Variants in TET1 observed in about 807,000 individuals in gnomAD.
TET1 encodes tet methylcytosine dioxygenase 1, also known as methylcytosine dioxygenase TET1.
In TET1, 13 loss-of-function variants were observed where a neutral mutation model predicts 148.7. The ratio of observed to expected loss-of-function variants is 0.09; its 90% CI spans 0.06 to 0.14. The LOEUF (loss-of-function observed/expected upper bound fraction) is 0.14, where lower values mean the gene tolerates loss of function less well. Among genes scored for constraint, TET1 ranks in the 10% least tolerant of loss-of-function variants. TET1 has a pLI of 1.00. For missense variants in TET1, 2,182 were observed against 2,553.8 expected (o/e 0.85, Z 3.14); for synonymous variants, 907 against 937.2 (o/e 0.97, Z 0.59).
At chr10:68,579,355 C>CATCCAA (rs1227843413) in intron 2 of TET1, among the ~76,000 whole-genome samples, 1 of 152,198 alleles carries the variant, frequency 6.6e-6, no homozygotes, top group African/African-American at 2.4e-5. Flanking sequence ...TTTGCTCATC[C>CATCCAA]ATCCAAATTC....
intron 3 of TET1, among the ~76,000 whole-genome samples, chr10:68,626,978 A>G (rs944603407): frequency 5.3e-5 from 8 of 152,248 alleles, no homozygotes; most frequent in Admixed American, 2.0e-4. Context: ...GAATTATTAG[A>G]AAAAGAACAC....
chr10:68,626,089 C>CAAAAAAAAAA (rs768111191), intron 3 of TET1, among the ~76,000 whole-genome samples: 11 of 34,372 alleles, frequency 3.2e-4, no homozygotes, highest in Admixed American at 6.5e-4. Flanking sequence ...GACCCTATCT[C>CAAAAAAAAAA]AAAAAAAAGA....
chr10:68,615,305 T>C (rs185667426), intron 3 of TET1, among the ~76,000 whole-genome samples: 2 of 152,238 alleles, frequency 1.3e-5, no homozygotes, highest in East Asian at 1.9e-4. Context: ...CACACAGTTT[T>C]TACCCTGAAT....
At chr10:68,658,532 CA>C (rs2055058946) in intron 6 of TET1, among the ~76,000 whole-genome samples, 1 of 152,186 alleles carries the variant, frequency 6.6e-6, no homozygotes, top group Non-Finnish European at 1.5e-5. Flanking sequence ...TGGCCAGCAC[CA>C]CTTTCTTAGC....
chr10:68,570,074 G>T (rs2053650860), intron 1 of TET1, among the ~76,000 whole-genome samples: 1 of 151,862 alleles, frequency 6.6e-6, no homozygotes, highest in South Asian at 2.1e-4. Context: ...TGTCACCCAG[G>T]TAGTGAACAT....
intron 4 of TET1, among the ~76,000 whole-genome samples, chr10:68,650,546 GCT>G (rs1251425666): frequency 7.7e-6 from 1 of 130,686 alleles, no homozygotes; most frequent in Non-Finnish European, 1.8e-5. Flanking sequence ...CAGGAGAATC[GCT>G]TGAACCCAGG....
In TET1 at chr10:68,617,838, G is replaced by A. The variant is rs10998331; in HGVS notation, c.1968+16804G>A. On this transcript the variant is annotated intron_variant, in intron 3 of 11. Coordinates refer to ENST00000373644, the MANE Select transcript of TET1 (RefSeq NM_030625.3). ...TGGGATTACAGGCGTGAGCCACCGC[G>A]CCTGGCCAATGGACTCTATTTTTAA... 9.4e-3 allele frequency among the ~76,000 whole-genome samples: 1,424 copies of A among 152,188 alleles called. 25 individuals are homozygous for A. The highest frequency in any genetic ancestry group is 0.032 in the African/African-American group (1,326 of 41,546).
At chr10:68,641,355 T>G (rs1417609715) in intron 3 of TET1, among the ~76,000 whole-genome samples, 1 of 150,298 alleles carries the variant, frequency 6.7e-6, no homozygotes, top group Non-Finnish European at 1.5e-5. Flanking sequence ...CAGGCTGGAG[T>G]GCAGTGATTC....
chr10:68,652,409 T>C, intron 5 of TET1, 92 bp from the exon 6 acceptor site: 2 of 783,256 alleles, frequency 2.6e-6, no homozygotes, highest in Middle Eastern at 4.9e-4. Flanking sequence ...TGTACATCTA[T>C]ATCTTATATA....
chr10:68,673,935 C>CTTTTT (rs11381293), intron 8 of TET1, among the ~76,000 whole-genome samples: 3 of 120,282 alleles, frequency 2.5e-5, no homozygotes, highest in Non-Finnish European at 3.4e-5. Context: ...CTTTCTTTTT[C>CTTTTT]TTTTTTTTTT....
At chr10:68,589,926 C>T (rs557230346) in intron 2 of TET1, among the ~76,000 whole-genome samples, 1 of 152,182 alleles carries the variant, frequency 6.6e-6, no homozygotes, top group East Asian at 1.9e-4. Flanking sequence ...CCTGCCTTGG[C>T]TTTCCAAAGT....
intron 3 of TET1, among the ~76,000 whole-genome samples, chr10:68,615,609 G>A (rs574686002): frequency 3.9e-5 from 6 of 152,106 alleles, no homozygotes; most frequent in Non-Finnish European, 5.9e-5. Context: ...GCCTCCCAAA[G>A]TGCTAGGATT....
At chr10:68,682,585 C>G (rs2055451494) in intron 9 of TET1, among the ~76,000 whole-genome samples, 1 of 152,160 alleles carries the variant, frequency 6.6e-6, no homozygotes, top group African/African-American at 2.4e-5. Flanking sequence ...TTATCCATCT[C>G]CAACAAGAAT....
intron 2 of TET1, among the ~76,000 whole-genome samples, chr10:68,579,282 A>G (rs2053766134): frequency 6.6e-6 from 1 of 152,196 alleles, no homozygotes; most frequent in Non-Finnish European, 1.5e-5. Flanking sequence ...CTTGCATTAC[A>G]TGTTTGGTTC....
chr10:68,574,862 A>G (rs778972488), intron 2 of TET1, among the ~76,000 whole-genome samples: 7 of 152,206 alleles, frequency 4.6e-5, no homozygotes, highest in Non-Finnish European at 1.0e-4. Flanking sequence ...CCAAAGTGAT[A>G]CACAAACATT....
rs757874803 is a variant in TET1 at position 68,572,528 on chromosome 10, C to A, written c.190C>A (p.Pro64Thr). The A allele has an allele frequency of 3.7e-6, 6 of 1,613,620 alleles. No homozygotes were observed. The highest frequency in any genetic ancestry group is 5.1e-6 in the Non-Finnish European group (6 of 1,179,974). Residue 64 changes from proline to threonine, a missense_variant, in exon 2 of 12, where the codon CCT becomes ACT. By Grantham distance (38) the Pro-to-Thr change is conservative. This residue lies in a region of TET1 where 665 missense variants were observed against 672.4 expected (regional missense o/e 0.99). Transcript: ENST00000373644. ...QERDVKKKTEPKPPVPVRSLL... is the reference protein window; with the variant it reads ...QERDVKKKTETKPPVPVRSLL... ...AAGAGATGTTAAGAAAAAAACAGAA[C>A]CTAAACCACCCGTGCCAGTCAGAAG...
chr10:68,588,763 T>A (rs2053887057), intron 2 of TET1, among the ~76,000 whole-genome samples: 1 of 152,118 alleles, frequency 6.6e-6, no homozygotes, highest in Admixed American at 6.6e-5. Flanking sequence ...TTCCTTTAAC[T>A]GTGTTTAACT....
At chr10:68,594,379 CTG>C (rs761691981) in intron 2 of TET1, among the ~76,000 whole-genome samples, 20 of 152,188 alleles carry the variant, frequency 1.3e-4, no homozygotes, top group Non-Finnish European at 2.4e-4. Context: ...CAGTTGGTAA[CTG>C]TTGAAGATTA....
intron 5 of TET1, 80 bp from the exon 6 acceptor site, chr10:68,652,421 A>G (rs2054950255): frequency 2.2e-6 from 2 of 927,756 alleles, no homozygotes; most frequent in Non-Finnish European, 3.3e-6. Context: ...TCTTATATAC[A>G]TTAAGATGTT....
Sources: gnomAD v4.1 joint callset for allele counts (sites outside exome capture counted in the v4.1 genomes callset) on GRCh38, gnomAD v4.1.1 for gene constraint, gnomAD v4.1.1 regional missense constraint, MANE v1.5 for transcripts, NCBI Gene and HGNC (gene_info 2026-07-23, HGNC 2026-07-21) for gene names.